Variants in EVI5 observed in about 807,000 individuals in gnomAD.
EVI5 encodes ecotropic viral integration site 5.
Under a neutral mutation model 112.0 loss-of-function variants are expected in EVI5, and 73 were observed. That is an observed-to-expected ratio of 0.65 (90% CI 0.54 to 0.79). EVI5 has a LOEUF of 0.79. Among genes scored for constraint, EVI5 ranks in the 30% least tolerant of loss-of-function variants. The pLI, the probability that EVI5 is intolerant of heterozygous loss-of-function variation, is 0.00. For synonymous variants in EVI5, 305 were observed against 319.9 expected (o/e 0.95, Z 0.50); for missense variants, 900 against 968.8 (o/e 0.93, Z 0.94).
At chr1:92,615,529 T>C (rs555400947) in intron 16 of EVI5, among the ~76,000 whole-genome samples, 1 of 152,272 alleles carries the variant, frequency 6.6e-6, no homozygotes, top group South Asian at 2.1e-4. Flanking sequence ...CTGATGAAGC[T>C]GGGGACATAG....
intron 18 of EVI5, among the ~76,000 whole-genome samples, chr1:92,575,529 G>A (rs1670922868): frequency 7.2e-6 from 1 of 139,340 alleles, no homozygotes; most frequent in African/African-American, 2.6e-5. Flanking sequence ...TATCCCTTTA[G>A]CCTCTTTTAA....
intron 1 of EVI5, among the ~76,000 whole-genome samples, chr1:92,760,644 G>A (rs1681684670): frequency 6.6e-6 from 1 of 150,834 alleles, no homozygotes; most frequent in African/African-American, 2.4e-5. Flanking sequence ...TAAGGCAGGA[G>A]AATTGCTTGA....
Position 92,512,504 on chromosome 1 carries a change from C to T in EVI5, c.*1152G>A, listed in dbSNP as rs1659248269. On this transcript the variant is annotated 3_prime_UTR_variant, in exon 20 of 20. Coordinates refer to ENST00000684568, the MANE Select transcript of EVI5 (RefSeq NM_001350197.2). ...TAGTGTTTTATTTTTAACTTTTAAC[C>T]TATTATTTACAGAAGTCCTGTTAGA... is the stretch of plus-strand genomic sequence containing the variant. The T allele has an allele frequency of 6.6e-6, 1 of 152,104 alleles. No homozygotes were observed. Among genetic ancestry groups the T allele is most frequent in the African/African-American group, 2.4e-5 (1 of 41,416 alleles). 9.4% of individuals were successfully genotyped at this position (152,104 alleles called of 1,614,324 possible).
chr1:92,680,897 C>CA (rs1176262736), intron 9 of EVI5, among the ~76,000 whole-genome samples: 1 of 152,136 alleles, frequency 6.6e-6, no homozygotes, highest in East Asian at 1.9e-4. Flanking sequence ...ATCAGAAACA[C>CA]AAAGACTGAG....
rs917712822 is a variant in EVI5 at position 92,730,299 on chromosome 1, A to G, written c.149+6099T>C. Among the ~76,000 whole-genome samples the G allele has an allele frequency of 5.9e-5, 9 of 152,256 alleles. 1 individual carries two copies. The highest frequency in any genetic ancestry group is 3.9e-4 in the Admixed American group (6 of 15,276). On this transcript the variant is annotated intron_variant, in intron 2 of 19. Coordinates refer to ENST00000684568, the MANE Select transcript of EVI5 (RefSeq NM_001350197.2). ...CTTGAGCCCAGGAGAAGGCTACAGC[A>G]AGCCCTGATTGTGCCACTGCACTAC...
chr1:92,632,029 C>G (rs1657265713), intron 14 of EVI5, among the ~76,000 whole-genome samples: 1 of 112,298 alleles, frequency 8.9e-6, no homozygotes. Context: ...AGGGATGAAG[C>G]CCACTTGATC....
At chr1:92,743,954 TG>T (rs1019202308) in intron 1 of EVI5, among the ~76,000 whole-genome samples, 2 of 152,228 alleles carry the variant, frequency 1.3e-5, no homozygotes, top group Non-Finnish European at 2.9e-5. Flanking sequence ...CACTGATTTT[TG>T]AATCTTTTTT....
At chr1:92,665,191 C>G (rs1328003907) in intron 11 of EVI5, among the ~76,000 whole-genome samples, 8 of 151,886 alleles carry the variant, frequency 5.3e-5, no homozygotes, top group Admixed American at 3.3e-4. Flanking sequence ...GGCAACAGAG[C>G]GAGACTCTCT....
Position 92,692,310 on chromosome 1 carries a change from A to G in EVI5, c.1097+1492T>C, listed in dbSNP as rs368728799. Among the ~76,000 whole-genome samples, 79 of 152,340 alleles carry G rather than the reference A, an allele frequency of 5.2e-4. No individual in the cohort carries two copies. The East Asian group carries it at 0.013, about 24-fold the overall frequency. On this transcript the variant is annotated intron_variant, in intron 9 of 19. Coordinates refer to ENST00000684568, the MANE Select transcript of EVI5 (RefSeq NM_001350197.2). ...GAACCTCATTCTCTATCAGACTTTT[A>G]AAGTCAAATAAATTCTCTGCCTGGC...
At chr1:92,658,357 C>T (rs1663376933) in intron 13 of EVI5, among the ~76,000 whole-genome samples, 1 of 152,180 alleles carries the variant, frequency 6.6e-6, no homozygotes, top group Non-Finnish European at 1.5e-5. Flanking sequence ...CTCCAAAAGG[C>T]TCTTAGATTT....
chr1:92,728,046 C>A (rs1675863830), intron 2 of EVI5, among the ~76,000 whole-genome samples: 1 of 150,310 alleles, frequency 6.7e-6, no homozygotes, highest in Non-Finnish European at 1.5e-5. Context: ...AAGCAAAAGG[C>A]TGGGAAAATA....
At chr1:92,522,867 C>G (rs1661206272) in intron 19 of EVI5, among the ~76,000 whole-genome samples, 1 of 152,140 alleles carries the variant, frequency 6.6e-6, no homozygotes, top group African/African-American at 2.4e-5. Context: ...AAGTGATCCT[C>G]CTGCCTCAGG....
At position 92,704,682 on chromosome 1, in the gene EVI5, G is replaced by A; in HGVS notation, c.212C>T (p.Ser71Phe). The A allele has an allele frequency of 1.2e-6, 2 of 1,603,870 alleles. No homozygotes were observed. The highest frequency in any genetic ancestry group is 1.7e-6 in the Non-Finnish European group (2 of 1,173,532). ...SVNGSRRNSG[S>F]SLVSSSSASS... ...GGCTGATGAACTCGACACAAGAGAA[G>A]AGCCACTGTTTCTTCTTGACCCATT... The change falls in exon 3 of 20, where the codon TCT becomes TTT. Residue 71 changes from serine (S) to phenylalanine (F), a missense_variant. By Grantham distance (155) the Ser-to-Phe change is radical. Coordinates refer to ENST00000684568, the MANE Select transcript of EVI5 (RefSeq NM_001350197.2).
chr1:92,789,524 A>G (rs925653408), upstream of EVI5, among the ~76,000 whole-genome samples: 4 of 152,034 alleles, frequency 2.6e-5, no homozygotes, highest in South Asian at 2.1e-4. Context: ...GGACGGTCTC[A>G]ATCTCCTGAC....
intron 16 of EVI5, among the ~76,000 whole-genome samples, chr1:92,621,971 A>C (rs1416168052): frequency 1.3e-5 from 2 of 151,938 alleles, no homozygotes; most frequent in African/African-American, 4.8e-5. Flanking sequence ...AAATACAAAA[A>C]TTAGCCAGGC....
chr1:92,758,662 T>A (rs10874738), intron 1 of EVI5, among the ~76,000 whole-genome samples: 86,453 of 151,408 alleles, frequency 0.57, 26,423 homozygotes, highest in East Asian at 0.92. Context: ...GAACTCAAAT[T>A]ACACATATAT....
At chr1:92,637,877 C>G (rs1221340460) in intron 13 of EVI5, among the ~76,000 whole-genome samples, 1 of 152,156 alleles carries the variant, frequency 6.6e-6, no homozygotes, top group African/African-American at 2.4e-5. Flanking sequence ...ATGCATTATA[C>G]ATTATTTCTT....
intron 13 of EVI5, among the ~76,000 whole-genome samples, chr1:92,662,309 C>G (rs1664165150): frequency 6.6e-6 from 1 of 152,154 alleles, no homozygotes; most frequent in African/African-American, 2.4e-5. Context: ...TGCATATATT[C>G]TGCATGCTGG....
intron 1 of EVI5, among the ~76,000 whole-genome samples, chr1:92,758,461 C>T (rs1425316835): frequency 1.3e-5 from 2 of 151,172 alleles, no homozygotes; most frequent in Non-Finnish European, 2.9e-5. Context: ...CCCAGCTACT[C>T]AGGAGCCTGA....
Sources: gnomAD v4.1 joint callset for allele counts (sites outside exome capture counted in the v4.1 genomes callset) on GRCh38, gnomAD v4.1.1 for gene constraint, MANE v1.5 for transcripts, NCBI Gene and HGNC (gene_info 2026-07-23, HGNC 2026-07-21) for gene names.